FAF1: variants seen among roughly 807,000 people sequenced by gnomAD.
The protein encoded by FAF1 is FAS-associated factor 1.
FAF1 carries 25 observed loss-of-function variants against 92.5 expected under a neutral mutation model. The ratio of observed to expected loss-of-function variants is 0.27; its 90% CI spans 0.20 to 0.38. The LOEUF is 0.38. Among genes scored for constraint, FAF1 ranks in the 10% least tolerant of loss-of-function variants. The probability of loss-of-function intolerance (pLI) is 1.00; values close to 1 mark genes in which losing one functional copy is unlikely to be tolerated. For synonymous variants in FAF1, 234 were observed against 273.2 expected (o/e 0.86, Z 1.42); for missense variants, 636 against 793.3 (o/e 0.80, Z 2.38).
At chr1:50,509,149 T>A (rs915546904) in intron 15 of FAF1, among the ~76,000 whole-genome samples, 26 of 152,184 alleles carry the variant, frequency 1.7e-4, no homozygotes, top group African/African-American at 5.6e-4. Flanking sequence ...GTATTATCCA[T>A]ACAATGGAAT....
intron 17 of FAF1, among the ~76,000 whole-genome samples, chr1:50,488,225 C>A (rs113568523): frequency 1.0e-3 from 159 of 152,310 alleles, no homozygotes; most frequent in African/African-American, 3.6e-3. Flanking sequence ...CTCTCCCCCA[C>A]TGTACCCCAA....
intron 6 of FAF1, among the ~76,000 whole-genome samples, chr1:50,710,233 G>A (rs61781031): frequency 6.6e-6 from 1 of 152,124 alleles, no homozygotes; most frequent in African/African-American, 2.4e-5. Context: ...ATCTTGACTG[G>A]CAGACTTGTG....
chr1:50,596,573 T>A (rs1326857139), intron 8 of FAF1, among the ~76,000 whole-genome samples: 2 of 152,192 alleles, frequency 1.3e-5, no homozygotes, highest in Non-Finnish European at 2.9e-5. Flanking sequence ...CCGAAGGCAG[T>A]AGGGATAGAA....
In FAF1 at chr1:50,437,377, CCTTT is replaced by C. The variant is rs1336263991; in HGVS notation, c.*4059_*4062del. 30 of 150,516 alleles carry C rather than the reference CCTTT, an allele frequency of 2.0e-4. No homozygotes were observed. The highest frequency in any genetic ancestry group is 5.6e-4 in the African/African-American group (23 of 40,792). 9.3% of individuals were successfully genotyped at this position (150,516 alleles called of 1,614,324 possible). On this transcript the variant is annotated 3_prime_UTR_variant, in exon 19 of 19. Transcript: ENST00000396153. ...CCTTTCCAGGAAAATACATGTTTAACCTTTCTTTTTTTTTTTTTTTTAAAGAGAT... is the reference window on the plus strand; with the variant it reads ...CCTTTCCAGGAAAATACATGTTTAACCTTTTTTTTTTTTTTTTAAAGAGAT...
chr1:50,834,788 G>A (rs961533347), intron 2 of FAF1, among the ~76,000 whole-genome samples: 5 of 152,220 alleles, frequency 3.3e-5, no homozygotes, highest in Admixed American at 6.5e-5. Flanking sequence ...CTGAAAATCT[G>A]TGAGGTGTGA....
At chr1:50,517,050 A>C (rs1390793427) in intron 15 of FAF1, among the ~76,000 whole-genome samples, 1 of 152,214 alleles carries the variant, frequency 6.6e-6, no homozygotes, top group Non-Finnish European at 1.5e-5. Context: ...CAACTACAAA[A>C]ATGGTATAAT....
chr1:50,960,235 C>A lies in FAF1; in HGVS notation c.-424G>T. 1 of 335,020 alleles carries A rather than the reference C, an allele frequency of 3.0e-6. No individual in the cohort carries two copies. The highest frequency in any genetic ancestry group is 4.2e-5 in the East Asian group (1 of 23,892). The allele number at this position is 335,020 out of a possible 1,614,324, so 20.8% of individuals were successfully genotyped here. A position where few individuals can be genotyped will look rare whatever the true frequency, so the allele number is the denominator to read the frequency against. On this transcript the variant is annotated 5_prime_UTR_variant, in exon 1 of 19. Transcript: ENST00000396153. ...GCCGCGGCCGCCTCCGCCTCCTCCG[C>A]TTCCTCCCTGGCCGCCGCCTCCGCC...
At position 50,930,058 on chromosome 1, in the gene FAF1, T is replaced by C. The variant is rs931761244; in HGVS notation, c.45+29709A>G. On this transcript the variant is annotated intron_variant, in intron 1 of 18. Transcript: ENST00000396153. ...TGCCACTCATTTTTTTCATTTAGCT[T>C]AACCAAAATGTTAGCAAATTAACAT... 2.0e-5 allele frequency among the ~76,000 whole-genome samples: 3 copies of C among 152,200 alleles called. No individual in the cohort carries two copies. The South Asian group carries it at 6.2e-4, about 31-fold the overall frequency.
At chr1:50,610,995 C>T (rs146595957) in intron 8 of FAF1, among the ~76,000 whole-genome samples, 9 of 152,198 alleles carry the variant, frequency 5.9e-5, no homozygotes, top group Non-Finnish European at 1.2e-4. Flanking sequence ...TGTGCAGCAT[C>T]TGAATTATGC....
chr1:50,794,312 T>C (rs1326971057), intron 3 of FAF1, among the ~76,000 whole-genome samples: 5 of 152,174 alleles, frequency 3.3e-5, no homozygotes, highest in Non-Finnish European at 7.3e-5. Flanking sequence ...TTATGTAAAA[T>C]ATGCTGGCAC....
At chr1:50,875,318 T>C (rs1644561630) in intron 1 of FAF1, among the ~76,000 whole-genome samples, 2 of 152,300 alleles carry the variant, frequency 1.3e-5, no homozygotes, top group South Asian at 4.1e-4. Context: ...ATATAATGTT[T>C]TGAAATATGT....
chr1:50,695,268 C>T (rs1245801019), intron 7 of FAF1, among the ~76,000 whole-genome samples: 1 of 151,818 alleles, frequency 6.6e-6, no homozygotes, highest in Non-Finnish European at 1.5e-5. Context: ...ATTAGCCAGG[C>T]ATGGTTGCAT....
intron 9 of FAF1, among the ~76,000 whole-genome samples, chr1:50,595,531 T>C (rs1035077780): frequency 2.6e-5 from 4 of 151,944 alleles, no homozygotes; most frequent in African/African-American, 4.8e-5. Flanking sequence ...ACACAGTCAA[T>C]AGCAAAAAAA....
intron 1 of FAF1, among the ~76,000 whole-genome samples, chr1:50,922,198 C>T (rs1173355287): frequency 1.3e-5 from 2 of 151,432 alleles, no homozygotes; most frequent in Non-Finnish European, 2.9e-5. Flanking sequence ...GTGGCTCACA[C>T]CTGTAATCCC....
intron 3 of FAF1, among the ~76,000 whole-genome samples, chr1:50,794,214 A>C (rs1230693335): frequency 6.6e-6 from 1 of 152,246 alleles, no homozygotes; most frequent in Non-Finnish European, 1.5e-5. Context: ...TGAAGGTGAA[A>C]GCTGTACTTT....
chr1:50,694,327 A>G (rs1344742551), intron 7 of FAF1, among the ~76,000 whole-genome samples: 1 of 152,174 alleles, frequency 6.6e-6, no homozygotes, highest in African/African-American at 2.4e-5. Context: ...TGTGCCTTTG[A>G]TAACAGAACA....
chr1:50,553,973 T>A (rs1649430783), intron 13 of FAF1, among the ~76,000 whole-genome samples: 1 of 151,778 alleles, frequency 6.6e-6, no homozygotes, highest in African/African-American at 2.4e-5. Context: ...TGGAGCAACA[T>A]CAGCTAAGCA....
At chr1:50,579,077 AAC>A (rs1209581903) in intron 12 of FAF1, among the ~76,000 whole-genome samples, 15 of 152,128 alleles carry the variant, frequency 9.9e-5, no homozygotes, top group Admixed American at 7.9e-4. Flanking sequence ...CATCTGCTAA[AAC>A]ACCTAGACAC....
intron 15 of FAF1, among the ~76,000 whole-genome samples, chr1:50,528,550 T>A (rs910889368): frequency 3.3e-5 from 5 of 152,238 alleles, no homozygotes; most frequent in African/African-American, 1.2e-4. Flanking sequence ...TTTTCTTTTA[T>A]GGAAACTAGT....
Sources: gnomAD v4.1 joint callset for allele counts (sites outside exome capture counted in the v4.1 genomes callset) on GRCh38, gnomAD v4.1.1 for gene constraint, MANE v1.5 for transcripts, NCBI Gene and HGNC (gene_info 2026-07-23, HGNC 2026-07-21) for gene names.